Variants in HIRA observed in about 807,000 individuals in gnomAD.
HIRA encodes histone cell cycle regulator.
HIRA carries 13 observed loss-of-function variants against 126.6 expected under a neutral mutation model. That is an observed-to-expected ratio of 0.10 (90% CI 0.07 to 0.16). HIRA has a LOEUF of 0.16. Among genes scored for constraint, HIRA ranks in the 10% least tolerant of loss-of-function variants. The probability of loss-of-function intolerance (pLI) is 1.00; values close to 1 mark genes in which losing one functional copy is unlikely to be tolerated. For missense variants in HIRA, 834 were observed against 1,314.4 expected (o/e 0.63, Z 5.65); for synonymous variants, 511 against 520.0 (o/e 0.98, Z 0.24).
At chr22:19,389,859 TAAA>T (rs200468337) in intron 9 of HIRA, among the ~76,000 whole-genome samples, 10 of 125,952 alleles carry the variant, frequency 7.9e-5, no homozygotes, top group African/African-American at 5.9e-5. Context: ...ATACTTGGCC[TAAA>T]AAAAAAAAAA....
chr22:19,356,383 G>A (rs1556012559), intron 19 of HIRA, 95 bp from the exon 20 acceptor site: 10 of 1,066,490 alleles, frequency 9.4e-6, no homozygotes, highest in African/African-American at 6.2e-5. Context: ...TACTGCATGC[G>A]ACCCTAACCC....
chr22:19,392,156 C>T lies in HIRA; in HGVS notation c.881G>A (p.Ser294Asn). 2 of 1,608,536 alleles carry T rather than the reference C, an allele frequency of 1.2e-6. No homozygotes were observed. Among genetic ancestry groups the T allele is most frequent in the Non-Finnish European group, 1.7e-6 (2 of 1,175,488 alleles). Residue 294 changes from serine to asparagine, a missense_variant, in exon 9 of 25, where the codon AGC becomes AAC. Physicochemically the swap from Ser to Asn is conservative, Grantham distance 46. Transcript: ENST00000263208. ...AACAGCACAGCAGCAGTACGGGCAGCTAGGCTTCGCAGAACTCCCATTCTT... is the reference window on the plus strand; with the variant it reads ...AACAGCACAGCAGCAGTACGGGCAGTTAGGCTTCGCAGAACTCCCATTCTT... ...KQKNGSSAKPSCPYCCCAVGS... is the reference protein window; with the variant it reads ...KQKNGSSAKPNCPYCCCAVGS...
chr22:19,356,323 C>T, intron 19 of HIRA, 35 bp from the exon 20 acceptor site: 2 of 1,584,922 alleles, frequency 1.3e-6, no homozygotes, highest in Non-Finnish European at 1.7e-6. Context: ...TACTCACCAA[C>T]CCAGGTAAAC....
In HIRA at chr22:19,370,420, T is replaced by G. The variant is rs541765531; in HGVS notation, c.1775+5211A>C. ...CACCATGCCCAGCTAATTTTTGTAT[T>G]TTCAGCAGAGATGGGGTTTCACCAT... On this transcript the variant is annotated intron_variant, in intron 15 of 24. Transcript: ENST00000263208. 2.0e-5 allele frequency among the ~76,000 whole-genome samples: 3 copies of G among 152,198 alleles called. No individual in the cohort carries two copies. In the South Asian group the frequency reaches 6.2e-4, roughly 32 times the overall value.
chr22:19,371,640 C>A (rs1359333297), intron 15 of HIRA, among the ~76,000 whole-genome samples: 1 of 152,136 alleles, frequency 6.6e-6, no homozygotes, highest in African/African-American at 2.4e-5. Context: ...ATCCTCCCTC[C>A]CTCAGACCCT....
chr22:19,362,934 A>G (rs2088877972), intron 15 of HIRA, among the ~76,000 whole-genome samples: 1 of 151,850 alleles, frequency 6.6e-6, no homozygotes, highest in Non-Finnish European at 1.5e-5. Flanking sequence ...AGAAGTGAAG[A>G]TTAAAAAAAA....
Position 19,377,898 on chromosome 22 carries a change from T to G in HIRA, c.1584A>C (p.Arg528Ser). The change falls in exon 14 of 25, where the codon AGA becomes AGC. Residue 528 changes from arginine (R) to serine (S), a missense_variant. Physicochemically the swap from Arg to Ser is moderately radical, Grantham distance 110. Coordinates refer to ENST00000263208, the MANE Select transcript of HIRA (RefSeq NM_003325.4). ...CTEPVVAASA[R>S]PAGDSVNKDS... The stretch of plus-strand genomic sequence containing the variant: ...CTTTATTGACAGAATCGCCTGCAGG[T>G]CTGGCACTGGCAGCCACCACAGGCT... 1 of 1,612,588 alleles carries G rather than the reference T, an allele frequency of 6.2e-7. No homozygotes were observed. The highest frequency in any genetic ancestry group is 8.5e-7 in the Non-Finnish European group (1 of 1,179,298).
intron 17 of HIRA, 43 bp from the exon 18 acceptor site, chr22:19,359,527 A>G: frequency 6.6e-7 from 1 of 1,506,912 alleles, no homozygotes; most frequent in South Asian, 1.3e-5. Context: ...CAAGGGCCGC[A>G]GCCCAGGTGA....
At chr22:19,373,135 A>G (rs2088983340) in intron 15 of HIRA, among the ~76,000 whole-genome samples, 1 of 152,178 alleles carries the variant, frequency 6.6e-6, no homozygotes, top group Admixed American at 6.5e-5. Flanking sequence ...ATTTTCTTCT[A>G]AGAGTTTTAT....
chr22:19,421,349 TG>T (rs1393103861), intron 1 of HIRA, among the ~76,000 whole-genome samples: 1 of 151,824 alleles, frequency 6.6e-6, no homozygotes, highest in Non-Finnish European at 1.5e-5. Flanking sequence ...GCCAGTTATC[TG>T]TACAATGCAA....
rs1311478571 is a variant in HIRA, at chr22:19,361,328, A to G, written c.1994T>C (p.Leu665Pro). The G allele has an allele frequency of 1.2e-6, 2 of 1,614,178 alleles. No individual in the cohort carries two copies. The highest frequency in any genetic ancestry group is 1.7e-6 in the Non-Finnish European group (2 of 1,179,994). Reference sequence around the variant, plus strand: ...ACACATGGCCTCCTTCTCTGCGGTTAGGGCAGCTGGAGACTGGAAGAGCCA... The same window carrying G: ...ACACATGGCCTCCTTCTCTGCGGTTGGGGCAGCTGGAGACTGGAAGAGCCA... ...VSLSVQSPAA[L>P]TAEKEAMCLS... is the part of the protein sequence containing the mutation. The change falls in exon 17 of 25, where the codon CTA (leucine) becomes CCA (proline). Residue 665 changes from leucine (L) to proline (P), a missense_variant. Physicochemically the swap from Leu to Pro is moderately conservative, Grantham distance 98. This residue lies in a region of HIRA where 468 missense variants were observed against 574.2 expected (regional missense o/e 0.82). Coordinates refer to ENST00000263208, the MANE Select transcript of HIRA (RefSeq NM_003325.4).
chr22:19,385,482 T>C, intron 12 of HIRA, 39 bp downstream of exon 12: 1 of 1,581,570 alleles, frequency 6.3e-7, no homozygotes, highest in South Asian at 1.1e-5. Context: ...TCCCTGGGCA[T>C]ATGTCCATGT....
chr22:19,349,282 T>C (rs924817506), intron 24 of HIRA, among the ~76,000 whole-genome samples: 2 of 151,688 alleles, frequency 1.3e-5, no homozygotes, highest in East Asian at 3.9e-4. Flanking sequence ...TTTTTATTTT[T>C]AGTAGAGACG....
chr22:19,404,625 T>C (rs1178850252), intron 5 of HIRA, among the ~76,000 whole-genome samples: 1 of 152,142 alleles, frequency 6.6e-6, no homozygotes, highest in Non-Finnish European at 1.5e-5. Context: ...GGATTATAGC[T>C]GATGCCACCT....
At chr22:19,425,311 C>A (rs2089480347) in intron 1 of HIRA, among the ~76,000 whole-genome samples, 1 of 152,220 alleles carries the variant, frequency 6.6e-6, no homozygotes, top group Admixed American at 6.5e-5. Flanking sequence ...ATGTGCTTTG[C>A]ATAAATTTTT....
intron 15 of HIRA, among the ~76,000 whole-genome samples, chr22:19,375,114 A>G (rs1406699173): frequency 1.3e-5 from 2 of 152,178 alleles, no homozygotes; most frequent in Non-Finnish European, 2.9e-5. Flanking sequence ...GCTGTGTTTG[A>G]GGGGAGACCC....
At chr22:19,426,013 C>T (rs2089485686) in intron 1 of HIRA, among the ~76,000 whole-genome samples, 1 of 152,136 alleles carries the variant, frequency 6.6e-6, no homozygotes, top group South Asian at 2.1e-4. Flanking sequence ...GAGACTCTGT[C>T]TCAAAATAAA....
intron 24 of HIRA, among the ~76,000 whole-genome samples, chr22:19,350,080 C>T (rs1047766576): frequency 6.6e-6 from 1 of 151,946 alleles, no homozygotes. Flanking sequence ...CTTAGCCTGG[C>T]CTTTCTTAAT....
At chr22:19,357,185 A>G (rs2088820992) in intron 18 of HIRA, 134 bp from the exon 19 acceptor site, 1 of 1,029,144 alleles carries the variant, frequency 9.7e-7, no homozygotes, top group South Asian at 1.5e-5. Flanking sequence ...CCAGAAGGGA[A>G]GGTGGATTGG....
Sources: allele counts gnomAD v4.1 joint callset (sites outside exome capture counted in the v4.1 genomes callset), GRCh38; gene constraint gnomAD v4.1.1; regional missense constraint gnomAD v4.1.1; transcripts MANE v1.5; gene names NCBI Gene and HGNC (gene_info 2026-07-23, HGNC 2026-07-21).